The following NUP35 variants were observed in gnomAD, a reference collection of about 807,000 sequenced individuals.
NUP35 encodes nucleoporin NUP35.
NUP35 carries 25 observed loss-of-function variants against 41.5 expected under a neutral mutation model. The ratio of observed to expected loss-of-function variants is 0.60; its 90% CI spans 0.44 to 0.84. The LOEUF (loss-of-function observed/expected upper bound fraction) is 0.84. Ranked by LOEUF, NUP35 falls within the 40% of genes least tolerant of loss-of-function variation. NUP35 has a pLI of 0.00. For synonymous variants in NUP35, 149 were observed against 130.7 expected, an observed-to-expected ratio of 1.14 and a Z score of -0.96; for missense variants, 396 against 396.6, an observed-to-expected ratio of 1.00 and a Z score of 0.01.
chr2:183,123,724 G>C (rs10497619), upstream of NUP35: 8,037 of 874,762 alleles, frequency 9.2e-3, 413 homozygotes, highest in African/African-American at 0.12. Flanking sequence ...TGTGATTTAC[G>C]TATGACTATG....
intron 4 of NUP35, among the ~76,000 whole-genome samples, chr2:183,135,737 G>T (rs1559146008): frequency 6.6e-6 from 1 of 152,122 alleles, no homozygotes; most frequent in East Asian, 1.9e-4. Context: ...TCAGGCATGT[G>T]CCTGTAGTTC....
chr2:183,136,923 C>T (rs1316166589), intron 4 of NUP35, among the ~76,000 whole-genome samples: 1 of 151,914 alleles, frequency 6.6e-6, no homozygotes, highest in African/African-American at 2.4e-5. Context: ...AACCCTGTCT[C>T]TAGTAAAAAT....
chr2:183,151,591 CAAG>C lies in NUP35; in HGVS notation c.482_484del (p.Gln161_Gly162delinsArg). 1.9e-6 allele frequency: 3 copies of C among 1,613,834 alleles called. No homozygotes were observed. The highest frequency in any genetic ancestry group is 2.5e-6 in the Non-Finnish European group (3 of 1,179,766). On this transcript the variant is annotated inframe_deletion, in exon 5 of 9. Coordinates refer to ENST00000295119, the MANE Select transcript of NUP35 (RefSeq NM_138285.5). ...TGCCCAGTTGGATCCTTTTTATACT[CAAG>C]GAGATTCTTTGACTTCAGAAGATCA... is the stretch of plus-strand genomic sequence containing the variant.
chr2:183,124,625 G>A, intron 1 of NUP35, 128 bp downstream of exon 1: 1 of 1,209,480 alleles, frequency 8.3e-7, no homozygotes. Flanking sequence ...GAATCCTTGG[G>A]TGCCCCCAAG....
At chr2:183,124,777 T>C (rs1357635321) in intron 1 of NUP35, among the ~76,000 whole-genome samples, 3 of 152,200 alleles carry the variant, frequency 2.0e-5, no homozygotes, top group Non-Finnish European at 4.4e-5. Flanking sequence ...GCCAGCCACG[T>C]TAGACTGGCC....
chr2:183,117,761 TTATA>T (rs1263183151), intron 1 of NUP35: 1 of 152,182 alleles, frequency 6.6e-6, no homozygotes, highest in African/African-American at 2.4e-5. Context: ...TGTTGGACAC[TTATA>T]AATAGGTTGA....
intron 7 of NUP35, among the ~76,000 whole-genome samples, chr2:183,158,819 C>T (rs1485072852): frequency 6.6e-6 from 1 of 152,082 alleles, no homozygotes; most frequent in Non-Finnish European, 1.5e-5. Context: ...TGATAGTTAA[C>T]TTTTAAATGT....
intron 4 of NUP35, among the ~76,000 whole-genome samples, chr2:183,137,342 C>A (rs1684910093): frequency 6.6e-6 from 1 of 152,040 alleles, no homozygotes; most frequent in African/African-American, 2.4e-5. Flanking sequence ...TGCCTGTAAT[C>A]CCGAGGCAGG....
intron 4 of NUP35, among the ~76,000 whole-genome samples, chr2:183,145,974 G>A (rs1186340064): frequency 6.6e-6 from 1 of 152,170 alleles, no homozygotes; most frequent in African/African-American, 2.4e-5. Flanking sequence ...GGTAGCTCAC[G>A]CTTGGAATTG....
chr2:183,159,375 A>C, intron 7 of NUP35, 113 bp from the exon 8 acceptor site: 1 of 841,866 alleles, frequency 1.2e-6, no homozygotes, highest in South Asian at 2.2e-5. Flanking sequence ...GTTTAATTAG[A>C]GCAAATAAAG....
In NUP35 at chr2:183,157,290, T is replaced by A. The variant is rs183911123; in HGVS notation, c.540-154T>A. ...TTTGAGTGACTAGTCACTGACAGAA[T>A]TAGCCCATATCGGGGAAAACAGGAT... On this transcript the variant is annotated intron_variant, in intron 5 of 8. Transcript: ENST00000295119. Among the ~76,000 whole-genome samples the A allele has an allele frequency of 3.5e-4, 54 of 152,294 alleles. 1 individual carries two copies. The highest frequency in any genetic ancestry group is 3.5e-3 in the Admixed American group (54 of 15,302).
chr2:183,157,583 C>A, intron 6 of NUP35, 70 bp downstream of exon 6: 1 of 1,046,940 alleles, frequency 9.6e-7, no homozygotes, highest in Non-Finnish European at 1.4e-6. Flanking sequence ...AGAGAAACTG[C>A]TTCTGAATTT....
chr2:183,133,486 A>T, intron 3 of NUP35, 80 bp from the exon 4 acceptor site: 4 of 1,088,884 alleles, frequency 3.7e-6, no homozygotes, highest in Non-Finnish European at 5.4e-6. Flanking sequence ...AAATTCAGTT[A>T]TCCATTGAAT....
chr2:183,129,218 G>GA (rs748799369), intron 2 of NUP35, among the ~76,000 whole-genome samples: 2 of 82,802 alleles, frequency 2.4e-5, no homozygotes, highest in Admixed American at 1.0e-4. Flanking sequence ...AAGGAAACTT[G>GA]GGGGGGAGGT....
At chr2:183,133,710 G>C in intron 4 of NUP35, 87 bp downstream of exon 4, 2 of 844,378 alleles carry the variant, frequency 2.4e-6, no homozygotes, top group Non-Finnish European at 3.4e-6. Flanking sequence ...TGTGATCACG[G>C]AGTAAACAAC....
intron 4 of NUP35, among the ~76,000 whole-genome samples, chr2:183,136,858 G>T (rs1222366661): frequency 6.6e-6 from 1 of 152,100 alleles, no homozygotes; most frequent in Non-Finnish European, 1.5e-5. Context: ...AGGAGGCTGA[G>T]GAGTGCAGCT....
At chr2:183,124,975 C>G (rs1267140562) in intron 1 of NUP35, among the ~76,000 whole-genome samples, 1 of 149,556 alleles carries the variant, frequency 6.7e-6, no homozygotes, top group African/African-American at 2.6e-5. Flanking sequence ...TGTTTTGACT[C>G]CTCTCTCCCG....
intron 1 of NUP35, among the ~76,000 whole-genome samples, chr2:183,125,884 A>G (rs778404705): frequency 1.3e-5 from 2 of 152,220 alleles, no homozygotes; most frequent in Non-Finnish European, 2.9e-5. Context: ...CAGAATATGA[A>G]ATGGAATTGA....
chr2:183,146,851 C>G (rs1008002992), intron 4 of NUP35, among the ~76,000 whole-genome samples: 1 of 152,144 alleles, frequency 6.6e-6, no homozygotes, highest in African/African-American at 2.4e-5. Context: ...AACGCCTTGG[C>G]CTCCCAAAGT....
Sources: gnomAD v4.1 joint callset for allele counts (sites outside exome capture counted in the v4.1 genomes callset) on GRCh38, gnomAD v4.1.1 for gene constraint, MANE v1.5 for transcripts, NCBI Gene and HGNC (gene_info 2026-07-23, HGNC 2026-07-21) for gene names.